The following TRIM69 variants were observed in gnomAD, a reference collection of about 807,000 sequenced individuals.
TRIM69 encodes the protein tripartite motif containing 69, also known as E3 ubiquitin-protein ligase TRIM69.
TRIM69 carries 29 observed loss-of-function variants against 37.7 expected under a neutral mutation model. The observed-to-expected ratio is 0.77, with a 90% CI of 0.57 to 1.05. TRIM69 has a LOEUF of 1.05. TRIM69 is among the 50% of genes least tolerant of loss of function. The pLI, the probability that TRIM69 is intolerant of heterozygous loss-of-function variation, is 0.00. For missense variants in TRIM69, 596 were observed against 579.9 expected, an observed-to-expected ratio of 1.03 and a Z score of -0.28; for synonymous variants, 209 against 212.4, an observed-to-expected ratio of 0.98 and a Z score of 0.14.
intron 6 of TRIM69, among the ~76,000 whole-genome samples, chr15:44,764,322 T>C (rs1326204700): frequency 6.6e-6 from 1 of 152,248 alleles, no homozygotes; most frequent in Non-Finnish European, 1.5e-5. Context: ...ATGTATTATT[T>C]ATCCATATAC....
intron 1 of TRIM69, 52 bp downstream of exon 1, chr15:44,736,762 G>A: frequency 6.3e-7 from 1 of 1,597,226 alleles, no homozygotes; most frequent in South Asian, 1.1e-5. Flanking sequence ...GAATAGTGTG[G>A]AAAACAGGAT....
chr15:44,758,939 C>G lies in TRIM69; in HGVS notation c.813+85C>G, dbSNP rs924950338. On this transcript the variant is annotated intron_variant, in intron 4 of 6. Transcript: ENST00000329464. Reference sequence around the variant, plus strand: ...TGGAAAGAATGCGGAAGTGGCTTTTCACATCCAGGGAAAACAAAACAAAAC... The same window carrying G: ...TGGAAAGAATGCGGAAGTGGCTTTTGACATCCAGGGAAAACAAAACAAAAC... The G allele has an allele frequency of 3.4e-5, 51 of 1,480,434 alleles. No homozygotes were observed. The African/African-American group carries it at 5.7e-4, about 16-fold the overall frequency. The allele number at this position is 1,480,434 out of a possible 1,614,324, so 91.7% of individuals were successfully genotyped here. A position where few individuals can be genotyped will look rare whatever the true frequency, so the allele number is the denominator to read the frequency against.
At position 44,759,013 on chromosome 15, in the gene TRIM69, G is replaced by C. The variant is rs148154910; in HGVS notation, c.813+159G>C. Among the ~76,000 whole-genome samples the C allele has an allele frequency of 2.2e-3, 338 of 152,314 alleles. 1 individual carries two copies. Among genetic ancestry groups the C allele is most frequent in the African/African-American group, 8.0e-3 (331 of 41,578 alleles). On this transcript the variant is annotated intron_variant, in intron 4 of 6. Transcript: ENST00000329464. The stretch of plus-strand genomic sequence containing the variant: ...TTAAGATTCTCTGGAAGAAAAGGAG[G>C]AGGCTGCTTCAGCTATACGCACAGC...
At chr15:44,750,715 CTTTTTTTTTTTT>C (rs869059418) in intron 1 of TRIM69, among the ~76,000 whole-genome samples, 3 of 102,842 alleles carry the variant, frequency 2.9e-5, no homozygotes, top group Non-Finnish European at 5.5e-5. Flanking sequence ...ATTACTTTTT[CTTTTTTTTTTTT>C]TTTTTTTTTT....
intron 3 of TRIM69, chr15:44,756,978 C>T (rs2087664582): frequency 6.6e-6 from 1 of 152,222 alleles, no homozygotes; most frequent in Admixed American, 6.5e-5. Context: ...TCTAGGACAA[C>T]ATTAATGGCT....
intron 1 of TRIM69, among the ~76,000 whole-genome samples, chr15:44,740,997 A>C (rs1371224945): frequency 6.6e-6 from 1 of 151,712 alleles, no homozygotes; most frequent in East Asian, 1.9e-4. Flanking sequence ...CTCCACCCTA[A>C]ATCAACAGAA....
intron 1 of TRIM69, among the ~76,000 whole-genome samples, chr15:44,743,557 C>G (rs1234473474): frequency 6.6e-6 from 1 of 152,132 alleles, no homozygotes. Context: ...ATTTTCGCAA[C>G]CTACTCATCT....
intron 1 of TRIM69, among the ~76,000 whole-genome samples, chr15:44,748,598 G>A (rs1331654899): frequency 6.6e-6 from 1 of 152,042 alleles, no homozygotes; most frequent in Non-Finnish European, 1.5e-5. Context: ...GCCAAGGTGG[G>A]TGGATCACTT....
chr15:44,767,748 A>C lies in TRIM69; in HGVS notation c.1479A>C (p.Pro493=), dbSNP rs759270933. The change falls in exon 7 of 7, where the codon CCA becomes CCC. Residue 493 remains proline (P), a synonymous_variant. Transcript: ENST00000329464. ...ATGATGGTGGAGAGAATAAAGAACC[A>C]TTGCACATCTTACATCCACAGTAAT... ...CLNDGGENKE[P]LHILHPQ is the part of the protein sequence containing the mutation. 7.4e-6 allele frequency: 12 copies of C among 1,612,776 alleles called. No individual in the cohort carries two copies. The African/African-American group carries it at 1.1e-4, about 14-fold the overall frequency.
chr15:44,751,184 C>T (rs1263937594), intron 1 of TRIM69, among the ~76,000 whole-genome samples: 8 of 150,640 alleles, frequency 5.3e-5, no homozygotes, highest in Admixed American at 4.6e-4. Flanking sequence ...GGCACGATCT[C>T]AGCTCACTGC....
rs116351565 is a variant in TRIM69, at chr15:44,766,855, A to G, written c.962-376A>G. 8.5e-3 allele frequency among the ~76,000 whole-genome samples: 1,287 copies of G among 151,918 alleles called. 23 individuals are homozygous for G. Among genetic ancestry groups the G allele is most frequent in the African/African-American group, 0.029 (1,189 of 41,452 alleles). ...GTGGGTTGCTTGGGGCCAGGAGTTCAAGGCCAGTCTGGCCAACATGGCGAA... is the reference window on the plus strand; with the variant it reads ...GTGGGTTGCTTGGGGCCAGGAGTTCGAGGCCAGTCTGGCCAACATGGCGAA... On this transcript the variant is annotated intron_variant, in intron 6 of 6. Transcript: ENST00000329464.
At chr15:44,746,258 A>G (rs909565827) in intron 1 of TRIM69, among the ~76,000 whole-genome samples, 6 of 152,206 alleles carry the variant, frequency 3.9e-5, no homozygotes, top group African/African-American at 1.2e-4. Flanking sequence ...ATCTGGCCAA[A>G]CTATCTTTCC....
intron 6 of TRIM69, among the ~76,000 whole-genome samples, 170 bp from the exon 7 acceptor site, chr15:44,767,061 A>AAAAAAAAG (rs2087907123): frequency 7.6e-6 from 1 of 131,616 alleles, no homozygotes; most frequent in East Asian, 2.0e-4. Flanking sequence ...CTCAAAAAAA[A>AAAAAAAAG]AAAAAAAAAA....
At chr15:44,759,917 C>G (rs141618387) in intron 6 of TRIM69, 45 bp downstream of exon 6, 1 of 1,580,332 alleles carries the variant, frequency 6.3e-7, no homozygotes, top group Non-Finnish European at 8.6e-7. Flanking sequence ...TCCTAATCTA[C>G]GTTTAATCTG....
At chr15:44,742,094 C>A (rs2087301160) in intron 1 of TRIM69, among the ~76,000 whole-genome samples, 1 of 151,756 alleles carries the variant, frequency 6.6e-6, no homozygotes, top group African/African-American at 2.4e-5. Context: ...CTGAATCCAG[C>A]AGCACATCAA....
chr15:44,755,511 C>T (rs543947028), intron 2 of TRIM69, 135 bp downstream of exon 2: 14 of 695,084 alleles, frequency 2.0e-5, no homozygotes, highest in East Asian at 1.1e-4. Flanking sequence ...GAAAGTACAA[C>T]GTATCTTGCA....
chr15:44,756,127 A>T (rs575268908), intron 2 of TRIM69, among the ~76,000 whole-genome samples: 5 of 152,254 alleles, frequency 3.3e-5, no homozygotes, highest in South Asian at 4.1e-4. Context: ...CCTGGGCCCA[A>T]GTGATCCTCC....
At chr15:44,761,824 A>G (rs1160358683) in intron 6 of TRIM69, among the ~76,000 whole-genome samples, 2 of 151,964 alleles carry the variant, frequency 1.3e-5, no homozygotes, top group African/African-American at 4.8e-5. Flanking sequence ...TGCCATTCAT[A>G]TATTTTTTTG....
At chr15:44,764,078 C>T (rs1020762134) in intron 6 of TRIM69, among the ~76,000 whole-genome samples, 1 of 152,118 alleles carries the variant, frequency 6.6e-6, no homozygotes, top group Non-Finnish European at 1.5e-5. Flanking sequence ...TTGAGAGAAT[C>T]CCTTTGTAGA....
Sources: allele counts gnomAD v4.1 joint callset (sites outside exome capture counted in the v4.1 genomes callset), GRCh38; gene constraint gnomAD v4.1.1; transcripts MANE v1.5; gene names NCBI Gene and HGNC (gene_info 2026-07-23, HGNC 2026-07-21).